LHFPL6: variants seen among roughly 807,000 people sequenced by gnomAD.
LHFPL6 encodes the protein LHFPL tetraspan subfamily member 6.
A neutral mutation model predicts 20.6 loss-of-function variants in LHFPL6; 9 were observed. That is an observed-to-expected ratio of 0.44 (90% CI 0.26 to 0.76). The LOEUF (loss-of-function observed/expected upper bound fraction) is 0.76. Among genes scored for constraint, LHFPL6 ranks in the 30% least tolerant of loss-of-function variants. The probability of loss-of-function intolerance (pLI) is 0.20; values close to 1 mark genes in which losing one functional copy is unlikely to be tolerated. For missense variants in LHFPL6, 218 were observed against 253.5 expected, an observed-to-expected ratio of 0.86 and a Z score of 0.95; for synonymous variants, 105 against 98.7, an observed-to-expected ratio of 1.06 and a Z score of -0.38.
intron 2 of LHFPL6, among the ~76,000 whole-genome samples, chr13:39,447,387 T>C (rs1359218914): frequency 3.9e-5 from 6 of 152,188 alleles, no homozygotes; most frequent in Non-Finnish European, 7.3e-5. Flanking sequence ...ATATCTAATT[T>C]AGGAATCAAG....
chr13:39,346,403 C>T (rs1264618382), intron 3 of LHFPL6, among the ~76,000 whole-genome samples: 1 of 152,180 alleles, frequency 6.6e-6, no homozygotes, highest in Non-Finnish European at 1.5e-5. Flanking sequence ...TTACCATTTT[C>T]TCAAAATTGT....
chr13:39,441,137 ATTTTTTT>A (rs57695621), intron 2 of LHFPL6, among the ~76,000 whole-genome samples: 14,030 of 91,622 alleles, frequency 0.15, 811 homozygotes, highest in South Asian at 0.21. Flanking sequence ...ATGCCAACTA[ATTTTTTT>A]TTTTTTTTTT....
chr13:39,374,097 T>G (rs1870225720), intron 3 of LHFPL6, among the ~76,000 whole-genome samples: 1 of 152,118 alleles, frequency 6.6e-6, no homozygotes, highest in Non-Finnish European at 1.5e-5. Context: ...AAAGTACTCT[T>G]CACAATAGCA....
intron 2 of LHFPL6, among the ~76,000 whole-genome samples, chr13:39,439,680 C>T (rs150771102): frequency 3.5e-4 from 53 of 152,170 alleles, no homozygotes; most frequent in African/African-American, 1.1e-3. Context: ...ACACCATCCC[C>T]GTTGGTGCTG....
At chr13:39,403,992 G>T (rs1871054415) in intron 2 of LHFPL6, among the ~76,000 whole-genome samples, 1 of 152,188 alleles carries the variant, frequency 6.6e-6, no homozygotes, top group Admixed American at 6.5e-5. Context: ...AAATGCTGTT[G>T]TTTTTGCCTC....
At chr13:39,405,226 T>A (rs1297660433) in intron 2 of LHFPL6, among the ~76,000 whole-genome samples, 1 of 152,216 alleles carries the variant, frequency 6.6e-6, no homozygotes, top group Non-Finnish European at 1.5e-5. Context: ...ACAGGCTATC[T>A]ATCCATCCCA....
At position 39,431,721 on chromosome 13, in the gene LHFPL6, G is replaced by GT. The variant is rs931878332; in HGVS notation, c.386-53196_386-53195insA. Among the ~76,000 whole-genome samples, 5 of 147,594 alleles carry GT rather than the reference G, an allele frequency of 3.4e-5. 1 individual carries two copies. The highest frequency in any genetic ancestry group is 7.5e-5 in the Non-Finnish European group (5 of 67,004). On this transcript the variant is annotated intron_variant, in intron 2 of 3. Transcript: ENST00000379589. ...CCAAAAGCCCTGTAGAATTTGTGGG[G>GT]GGGGGGGGCTTCCTCTCATATTCCA...
chr13:39,486,419 G>A (rs1011195392), intron 2 of LHFPL6, among the ~76,000 whole-genome samples: 9 of 152,164 alleles, frequency 5.9e-5, no homozygotes, highest in Non-Finnish European at 1.0e-4. Flanking sequence ...TTAAAAAAAT[G>A]TATTGCAACC....
intron 3 of LHFPL6, among the ~76,000 whole-genome samples, chr13:39,361,718 A>G (rs1351144551): frequency 1.3e-5 from 2 of 152,270 alleles, no homozygotes; most frequent in Non-Finnish European, 1.5e-5. Context: ...ACCCAGCACA[A>G]GGAAATGAGT....
chr13:39,598,561 A>T (rs1377700719), intron 2 of LHFPL6, among the ~76,000 whole-genome samples: 5 of 151,682 alleles, frequency 3.3e-5, no homozygotes, highest in Non-Finnish European at 1.5e-5. Context: ...TATTTATTTT[A>T]TTTATTTATT....
At chr13:39,582,960 T>C (rs1331710000) in intron 2 of LHFPL6, among the ~76,000 whole-genome samples, 1 of 152,186 alleles carries the variant, frequency 6.6e-6, no homozygotes, top group Non-Finnish European at 1.5e-5. Flanking sequence ...GGAGGCCATA[T>C]TATATTAAGT....
At chr13:39,585,440 A>C (rs1229405228) in intron 2 of LHFPL6, among the ~76,000 whole-genome samples, 1 of 152,212 alleles carries the variant, frequency 6.6e-6, no homozygotes, top group Non-Finnish European at 1.5e-5. Context: ...ATGAGCATTA[A>C]CTCATAGACA....
intron 2 of LHFPL6, among the ~76,000 whole-genome samples, chr13:39,519,726 C>T (rs996868191): frequency 1.6e-4 from 25 of 152,240 alleles, no homozygotes; most frequent in African/African-American, 5.8e-4. Context: ...TTTAGGTAAG[C>T]CCCATGCTTT....
At chr13:39,594,198 A>G (rs377514920) in intron 2 of LHFPL6, among the ~76,000 whole-genome samples, 1 of 152,314 alleles carries the variant, frequency 6.6e-6, no homozygotes, top group South Asian at 2.1e-4. Flanking sequence ...AATGGGAGAA[A>G]ATTTTCGCAA....
chr13:39,602,630 C>T (rs1872995245), intron 1 of LHFPL6, among the ~76,000 whole-genome samples: 1 of 152,196 alleles, frequency 6.6e-6, no homozygotes, highest in Admixed American at 6.5e-5. Context: ...ACAATGATCC[C>T]TCCATTCTAA....
chr13:39,447,665 C>T (rs1324565373), intron 2 of LHFPL6, among the ~76,000 whole-genome samples: 1 of 152,218 alleles, frequency 6.6e-6, no homozygotes, highest in Admixed American at 6.5e-5. Context: ...AGGGCTCAGT[C>T]TTACCCATCC....
chr13:39,601,167 A>C lies in LHFPL6; in HGVS notation c.50T>G (p.Phe17Cys), dbSNP rs1872933436. ...CTGVIWALLSFLCAATSCVGF... is the reference protein window; with the variant it reads ...CTGVIWALLSCLCAATSCVGF... ...CACGCAGGAGGTGGCAGCACAAAGA[A>C]AAGACAGCAAAGCCCAGATTACTCC... Residue 17 changes from phenylalanine to cysteine, a missense_variant, in exon 2 of 4, where the codon TTT becomes TGT. Phe to Cys is a radical substitution (Grantham distance 205). Coordinates refer to ENST00000379589, the MANE Select transcript of LHFPL6 (RefSeq NM_005780.3). 6.2e-7 allele frequency: 1 copy of C among 1,614,064 alleles called. No homozygotes were observed. Among genetic ancestry groups the C allele is most frequent in the Non-Finnish European group, 8.5e-7 (1 of 1,180,014 alleles).
chr13:39,394,594 T>C (rs78078144), intron 2 of LHFPL6, among the ~76,000 whole-genome samples: 2,487 of 152,256 alleles, frequency 0.016, 65 homozygotes, highest in African/African-American at 0.056. Flanking sequence ...TACTGAAAAA[T>C]TGTTGTGAAG....
chr13:39,536,827 A>G (rs1469335499), intron 2 of LHFPL6, among the ~76,000 whole-genome samples: 2 of 152,154 alleles, frequency 1.3e-5, no homozygotes, highest in African/African-American at 2.4e-5. Flanking sequence ...TCTACTTAAG[A>G]CCTCAAGGGC....
Sources: allele counts gnomAD v4.1 joint callset (sites outside exome capture counted in the v4.1 genomes callset), GRCh38; gene constraint gnomAD v4.1.1; transcripts MANE v1.5; gene names NCBI Gene and HGNC (gene_info 2026-07-23, HGNC 2026-07-21).